PAX6: variants seen among roughly 807,000 people sequenced by gnomAD.
PAX6 encodes paired box protein Pax-6.
In PAX6, 7 loss-of-function variants were observed where a neutral mutation model predicts 60.7. That is an observed-to-expected ratio of 0.12 (90% CI 0.07 to 0.22). PAX6 has a LOEUF of 0.22. PAX6 is among the 10% of genes least tolerant of loss of function. The pLI, the probability that PAX6 is intolerant of heterozygous loss-of-function variation, is 1.00. For synonymous variants in PAX6, 208 were observed against 201.2 expected, an observed-to-expected ratio of 1.03 and a Z score of -0.29; for missense variants, 355 against 555.2, an observed-to-expected ratio of 0.64 and a Z score of 3.62.
chr11:31,801,453 G>A, intron 7 of PAX6, 108 bp downstream of exon 7: 1 of 1,587,168 alleles, frequency 6.3e-7, no homozygotes, highest in Non-Finnish European at 8.6e-7. Context: ...ATGTGGAGCA[G>A]GGAGAGGACA....
intron 1 of PAX6, among the ~76,000 whole-genome samples, chr11:31,817,377 T>C (rs556468967): frequency 2.6e-5 from 4 of 152,356 alleles, no homozygotes; most frequent in Admixed American, 2.6e-4. Context: ...AGGGTGTCTT[T>C]AAGCGCTCCA....
chr11:31,794,461 C>A, intron 9 of PAX6, 169 bp downstream of exon 9: 2 of 336,538 alleles, frequency 5.9e-6, no homozygotes. Flanking sequence ...CACACACACA[C>A]ACACACACAC....
chr11:31,794,918 C>T, intron 8 of PAX6, 130 bp from the exon 9 acceptor site: 1 of 814,096 alleles, frequency 1.2e-6, no homozygotes, highest in Non-Finnish European at 2.0e-6. Context: ...CCCAAGGTAA[C>T]TGTCAGCCTT....
At chr11:31,792,989 A>T (rs1169827292) in intron 12 of PAX6, 9 of 456,326 alleles carry the variant, frequency 2.0e-5, no homozygotes, top group South Asian at 1.6e-4. Context: ...TCACTAGTTT[A>T]TCACATATAC....
chr11:31,803,245 C>T (rs777126672), intron 4 of PAX6: 1 of 240,038 alleles, frequency 4.2e-6, no homozygotes. Context: ...TCTTCATAAA[C>T]ACTGCAGCCA....
chr11:31,804,722 A>G (rs1405225537), intron 4 of PAX6: 1 of 152,288 alleles, frequency 6.6e-6, no homozygotes, highest in Non-Finnish European at 1.5e-5. Context: ...CCAGAAAGAG[A>G]CCGAGAGAGA....
Position 31,789,912 on chromosome 11 carries a change from C to CTTTTTTTTTTTTTTTT in PAX6, c.*6_*21dup. 5.7e-6 allele frequency: 6 copies of CTTTTTTTTTTTTTTTT among 1,046,002 alleles called. No homozygotes were observed. The highest frequency in any genetic ancestry group is 1.5e-5 in the South Asian group (1 of 67,596). The allele number at this position is 1,046,002 out of a possible 1,614,324, so 64.8% of individuals were successfully genotyped here. ...CTGAATTAACACAATATTTCCTTTC[C>CTTTTTTTTTTTTTTTT]TTTTTTTTTTTTTTTTTTTTTTTAC... On this transcript the variant is annotated 3_prime_UTR_variant, in exon 14 of 14. Coordinates refer to ENST00000640368, the MANE Select transcript of PAX6 (RefSeq NM_001368894.2).
chr11:31,796,140 A>C (rs541172824), intron 8 of PAX6, among the ~76,000 whole-genome samples: 9 of 152,316 alleles, frequency 5.9e-5, no homozygotes, highest in African/African-American at 2.2e-4. Flanking sequence ...GGCACTGGCC[A>C]CCATATGGGC....
chr11:31,802,990 A>C, intron 4 of PAX6, 156 bp from the exon 5 acceptor site: 5 of 760,942 alleles, frequency 6.6e-6, no homozygotes, highest in Non-Finnish European at 8.9e-6. Context: ...GGAGGAGACA[A>C]CCACAATGCA....
At chr11:31,802,654 A>C in intron 5 of PAX6, 50 bp downstream of exon 5, 1 of 1,585,692 alleles carries the variant, frequency 6.3e-7, no homozygotes, top group Non-Finnish European at 8.6e-7. Flanking sequence ...GAGGGCGTTG[A>C]GAGTGGAGGG....
At chr11:31,813,106 GCTCTAACC>G (rs1957200744), upstream of PAX6, 1 of 152,084 alleles carries the variant, frequency 6.6e-6, no homozygotes. Flanking sequence ...AGGGCTGCCG[GCTCTAACC>G]CTTCCCCGGG....
At chr11:31,799,365 CAAG>C (rs1303817133) in intron 8 of PAX6, among the ~76,000 whole-genome samples, 21 of 152,134 alleles carry the variant, frequency 1.4e-4, no homozygotes, top group Non-Finnish European at 2.6e-4. Flanking sequence ...CGCTGGGAAA[CAAG>C]AAGCGAGCGC....
chr11:31,812,236 G>T (rs941051873), upstream of PAX6: 3 of 152,662 alleles, frequency 2.0e-5, no homozygotes, highest in Non-Finnish European at 4.4e-5. Context: ...GATAAGAGGG[G>T]AGGGGGAGTG....
intron 5 of PAX6, chr11:31,802,379 T>A (rs904848590): frequency 1.6e-5 from 6 of 364,334 alleles, no homozygotes; most frequent in Non-Finnish European, 3.0e-5. Flanking sequence ...ATAACTCAGC[T>A]TATTACGGTT....
intron 1 of PAX6, among the ~76,000 whole-genome samples, chr11:31,816,793 G>T (rs577838390): frequency 6.6e-6 from 1 of 152,374 alleles, no homozygotes; most frequent in South Asian, 2.1e-4. Context: ...GAAAGGGGGC[G>T]CAGGAGCGCG....
At chr11:31,790,084 ATTTATAGGTTTAC>A in intron 13 of PAX6, 65 bp from the exon 14 acceptor site, 1 of 390,358 alleles carries the variant, frequency 2.6e-6, no homozygotes, top group East Asian at 6.2e-5. Flanking sequence ...TGGAATACAA[ATTTATAGGTTTAC>A]AAAAAAAAAA....
chr11:31,798,668 G>A (rs912613314), intron 8 of PAX6, among the ~76,000 whole-genome samples: 1 of 152,240 alleles, frequency 6.6e-6, no homozygotes. Context: ...TTGCGGGTGG[G>A]GGGGTGGTGA....
intron 12 of PAX6, chr11:31,792,243 C>T (rs1950177355): frequency 2.0e-5 from 3 of 152,242 alleles, no homozygotes; most frequent in Admixed American, 2.0e-4. Flanking sequence ...TCTAGGCAAC[C>T]TGACTTCTGG....
intron 5 of PAX6, chr11:31,802,194 ACTT>A (rs567456998): frequency 2.8e-4 from 128 of 449,300 alleles, no homozygotes; most frequent in African/African-American, 1.4e-3. Flanking sequence ...TGATTTTTTT[ACTT>A]CTTCTTCTTT....
Sources: allele counts gnomAD v4.1 joint callset (sites outside exome capture counted in the v4.1 genomes callset), GRCh38; gene constraint gnomAD v4.1.1; transcripts MANE v1.5; gene names NCBI Gene and HGNC (gene_info 2026-07-23, HGNC 2026-07-21).